The following CLRN1 variants were observed in gnomAD, a reference collection of about 807,000 sequenced individuals.
The protein encoded by CLRN1 is clarin-1.
A neutral mutation model predicts 18.7 loss-of-function variants in CLRN1; 15 were observed. The observed-to-expected ratio is 0.80, with a 90% CI of 0.54 to 1.23. The LOEUF (loss-of-function observed/expected upper bound fraction) is 1.23, where lower values mean the gene tolerates loss of function less well. Ranked by LOEUF, CLRN1 falls within the 50% of genes most tolerant of loss-of-function variation. The pLI is 0.00. For missense variants in CLRN1, 311 were observed against 277.5 expected (o/e 1.12, Z -0.86); for synonymous variants, 104 against 102.9 (o/e 1.01, Z -0.07).
rs537049267 is a variant in CLRN1, at chr3:150,927,154, G to A, written c.*782C>T. 9 of 656,344 alleles carry A rather than the reference G, an allele frequency of 1.4e-5. No homozygotes were observed. The African/African-American group carries it at 1.4e-4, about 10-fold the overall frequency. 40.7% of individuals were successfully genotyped at this position (656,344 alleles called of 1,614,324 possible). A position where few individuals can be genotyped will look rare whatever the true frequency, so the allele number is the denominator to read the frequency against. ...TGAAAGTACTGTCGTGAATGTAATT[G>A]GGACTCAGGCACGGGAGGAAAAATA... On this transcript the variant is annotated 3_prime_UTR_variant, in exon 3 of 3. Coordinates refer to ENST00000327047, the MANE Select transcript of CLRN1 (RefSeq NM_174878.3).
At position 150,927,203 on chromosome 3, in the gene CLRN1, TTTC is replaced by T. The variant is rs1712847951; in HGVS notation, c.*730_*732del. On this transcript the variant is annotated 3_prime_UTR_variant, in exon 3 of 3. Coordinates refer to ENST00000327047, the MANE Select transcript of CLRN1 (RefSeq NM_174878.3). ...TACCCTAAGCTTGGTTTTTTCTTCTTTTCTTCTTTTAGAGTTTGCAGATTTTGA... is the reference window on the plus strand; with the variant it reads ...TACCCTAAGCTTGGTTTTTTCTTCTTTTCTTTTAGAGTTTGCAGATTTTGA... 3 of 532,352 alleles carry T rather than the reference TTTC, an allele frequency of 5.6e-6. No homozygotes were observed. Among genetic ancestry groups the T allele is most frequent in the Non-Finnish European group, 1.1e-5 (3 of 279,030 alleles). 33.0% of individuals were successfully genotyped at this position (532,352 alleles called of 1,614,324 possible).
intron 1 of CLRN1, among the ~76,000 whole-genome samples, chr3:150,957,238 T>TACACACACAC (rs34726423): frequency 2.0e-4 from 29 of 147,066 alleles, no homozygotes; most frequent in African/African-American, 7.0e-4. Context: ...TCCCATTTTA[T>TACACACACAC]ACACACACAC....
At chr3:150,953,577 CA>C (rs1714594015) in intron 1 of CLRN1, among the ~76,000 whole-genome samples, 1 of 152,180 alleles carries the variant, frequency 6.6e-6, no homozygotes, top group South Asian at 2.1e-4. Context: ...GTCACCCAGG[CA>C]GTGGGTGGAG....
chr3:150,966,769 G>A (rs1357407456), intron 1 of CLRN1, among the ~76,000 whole-genome samples: 1 of 152,166 alleles, frequency 6.6e-6, no homozygotes, highest in Non-Finnish European at 1.5e-5. Flanking sequence ...AAAATCATGA[G>A]TTTTGAGGAT....
chr3:150,937,735 A>G (rs1369370233), intron 2 of CLRN1, among the ~76,000 whole-genome samples: 1 of 152,192 alleles, frequency 6.6e-6, no homozygotes, highest in East Asian at 1.9e-4. Context: ...TACGAGCTAA[A>G]CTGGAGGTTA....
At chr3:150,937,915 A>G (rs975084953) in intron 2 of CLRN1, among the ~76,000 whole-genome samples, 1 of 152,168 alleles carries the variant, frequency 6.6e-6, no homozygotes, top group African/African-American at 2.4e-5. Context: ...GGAGATGCCC[A>G]TAGCAGTACT....
intron 1 of CLRN1, among the ~76,000 whole-genome samples, chr3:150,952,484 T>A (rs1714540795): frequency 2.0e-5 from 3 of 152,198 alleles, no homozygotes; most frequent in Admixed American, 2.0e-4. Context: ...ATTAAAAGCA[T>A]TTTCAATTTA....
intron 2 of CLRN1, among the ~76,000 whole-genome samples, chr3:150,930,593 C>T (rs1238358763): frequency 3.9e-5 from 6 of 152,016 alleles, no homozygotes; most frequent in African/African-American, 1.2e-4. Context: ...CTGGCAAAAC[C>T]GTATTATTTC....
chr3:150,962,368 T>G (rs1715077559), intron 1 of CLRN1, among the ~76,000 whole-genome samples: 1 of 152,244 alleles, frequency 6.6e-6, no homozygotes, highest in Non-Finnish European at 1.5e-5. Context: ...TTTTTCAGTC[T>G]AATGTATATG....
chr3:150,953,175 A>G (rs555468169), intron 1 of CLRN1, among the ~76,000 whole-genome samples: 1 of 152,308 alleles, frequency 6.6e-6, no homozygotes, highest in Admixed American at 6.5e-5. Context: ...GGATTTGAAC[A>G]TTTTGATCTG....
intron 1 of CLRN1, among the ~76,000 whole-genome samples, chr3:150,948,857 T>G (rs927135013): frequency 6.6e-6 from 1 of 152,186 alleles, no homozygotes; most frequent in Non-Finnish European, 1.5e-5. Flanking sequence ...CAACTCATTC[T>G]AGGAGGCCAG....
Position 150,972,650 on chromosome 3 carries a change from C to A in CLRN1, c.59G>T (p.Cys20Phe). The change falls in exon 1 of 3, where the codon TGT (cysteine) becomes TTT (phenylalanine). Residue 20 changes from cysteine to phenylalanine, a missense_variant. Cys to Phe is a radical substitution (Grantham distance 205). Transcript: ENST00000327047. ...FCMAGVFSFACALGVVTALGT... is the reference protein window; with the variant it reads ...FCMAGVFSFAFALGVVTALGT... ...CAAGGCTGTCACAACTCCGAGGGCA[C>A]ATGCAAAACTGAACACTCCGGCCAT... is the stretch of plus-strand genomic sequence containing the variant. 1.2e-6 allele frequency: 2 copies of A among 1,614,224 alleles called. No homozygotes were observed. Among genetic ancestry groups the A allele is most frequent in the Non-Finnish European group, 1.7e-6 (2 of 1,180,044 alleles).
chr3:150,969,292 A>AATATATATATATATATATATAT (rs766087778), intron 1 of CLRN1, among the ~76,000 whole-genome samples: 31 of 61,402 alleles, frequency 5.0e-4, no homozygotes, highest in South Asian at 3.1e-3. Flanking sequence ...TGTGGCTTGT[A>AATATATATATATATATATATAT]ATATATATAT....
chr3:150,931,365 G>A (rs1260816113), intron 2 of CLRN1, among the ~76,000 whole-genome samples: 6 of 152,178 alleles, frequency 3.9e-5, no homozygotes, highest in Non-Finnish European at 7.3e-5. Context: ...CCCACATTTA[G>A]AGGGTTCTGC....
At chr3:150,941,112 T>C (rs1289333680) in intron 2 of CLRN1, among the ~76,000 whole-genome samples, 1 of 149,550 alleles carries the variant, frequency 6.7e-6, no homozygotes, top group African/African-American at 2.5e-5. Flanking sequence ...GACCAACAGA[T>C]TGGAGTCTGT....
intron 1 of CLRN1, among the ~76,000 whole-genome samples, chr3:150,947,609 C>T (rs1280151633): frequency 1.3e-5 from 2 of 152,192 alleles, no homozygotes; most frequent in Non-Finnish European, 2.9e-5. Flanking sequence ...ACATTCTTCT[C>T]ATCACCACAT....
rs762548382 is a variant in CLRN1, at chr3:150,926,912, A to C, written c.*1024T>G. The C allele has an allele frequency of 9.9e-6, 16 of 1,614,002 alleles. No homozygotes were observed. The East Asian group carries it at 2.7e-4, about 27-fold the overall frequency. ...GATGGGTAATTCAGGGGAAAAAAAA[A>C]GTTGACCTGGGTCATGCTTGGTGAC... On this transcript the variant is annotated 3_prime_UTR_variant, in exon 3 of 3. Transcript: ENST00000327047.
chr3:150,972,844 C>T (rs1715623085), upstream of CLRN1: 4 of 1,204,806 alleles, frequency 3.3e-6, no homozygotes, highest in Non-Finnish European at 4.8e-6. Flanking sequence ...ACTTCACCAT[C>T]GACGGTTCTC....
intron 1 of CLRN1, among the ~76,000 whole-genome samples, chr3:150,944,871 G>C (rs1308748519): frequency 6.6e-6 from 1 of 152,222 alleles, no homozygotes; most frequent in Non-Finnish European, 1.5e-5. Flanking sequence ...TGGGCCCCAG[G>C]ATGGGAAGTG....
Sources: allele counts gnomAD v4.1 joint callset (sites outside exome capture counted in the v4.1 genomes callset), GRCh38; gene constraint gnomAD v4.1.1; transcripts MANE v1.5; gene names NCBI Gene and HGNC (gene_info 2026-07-23, HGNC 2026-07-21).